Variants in CUX2 observed in about 807,000 individuals in gnomAD.
CUX2 encodes cut like homeobox 2, also known as homeobox protein cut-like 2.
CUX2 carries 40 observed loss-of-function variants against 144.8 expected under a neutral mutation model. The observed-to-expected ratio is 0.28, with a 90% confidence interval of 0.21 to 0.36. The LOEUF (loss-of-function observed/expected upper bound fraction) is 0.36. Among genes scored for constraint, CUX2 ranks in the 10% least tolerant of loss-of-function variants. The probability of loss-of-function intolerance (pLI) is 1.00; values close to 1 mark genes in which losing one functional copy is unlikely to be tolerated. For synonymous variants in CUX2, 827 were observed against 875.6 expected, an observed-to-expected ratio of 0.94 and a Z score of 0.98; for missense variants, 1,615 against 1,994.0, an observed-to-expected ratio of 0.81 and a Z score of 3.62.
At chr12:111,237,176 A>G (rs1882797971) in intron 3 of CUX2, among the ~76,000 whole-genome samples, 1 of 152,180 alleles carries the variant, frequency 6.6e-6, no homozygotes, top group African/African-American at 2.4e-5. Context: ...TAAAAATAAA[A>G]GAGGCAAAAG....
At chr12:111,116,356 GT>G (rs995724433) in intron 1 of CUX2, among the ~76,000 whole-genome samples, 7 of 152,186 alleles carry the variant, frequency 4.6e-5, no homozygotes, top group Admixed American at 2.6e-4. Flanking sequence ...TGAGGACAAA[GT>G]GATGCAATTA....
At chr12:111,245,409 T>A (rs969802333) in intron 3 of CUX2, among the ~76,000 whole-genome samples, 1 of 151,982 alleles carries the variant, frequency 6.6e-6, no homozygotes, top group Non-Finnish European at 1.5e-5. Flanking sequence ...TTTTTCTTAA[T>A]TTTTTTCCAT....
At chr12:111,166,528 C>T (rs924584004) in intron 1 of CUX2, among the ~76,000 whole-genome samples, 2 of 152,236 alleles carry the variant, frequency 1.3e-5, no homozygotes, top group Non-Finnish European at 2.9e-5. Context: ...ATTTAACCCA[C>T]CCAACAACTC....
At position 111,131,368 on chromosome 12, in the gene CUX2, C is replaced by T. The variant is rs1031651671; in HGVS notation, c.64-82832C>T. ...CAACACATGGGAATTCTGGGAGATA[C>T]ATTCAAGTGGAGATTTGGGTTGGGG... On this transcript the variant is annotated intron_variant, in intron 1 of 21. Transcript: ENST00000261726. 6.6e-5 allele frequency among the ~76,000 whole-genome samples: 10 copies of T among 152,160 alleles called. 1 individual carries two copies. The highest frequency in any genetic ancestry group is 1.0e-4 in the Non-Finnish European group (7 of 68,048).
In CUX2 at chr12:111,338,387, C is replaced by T. The variant is rs757066198; in HGVS notation, c.3298C>T (p.Arg1100Trp). ...CTGGCACAAGCTGAGCCTGAAGGGG[C>T]GGGAGCCTTTTGTCCGCATGCAGCT... ...KPWHKLSLKG[R>W]EPFVRMQLWL... The change falls in exon 20 of 22, where the codon CGG (arginine) becomes TGG (tryptophan). Residue 1100 changes from arginine (R) to tryptophan (W), a missense_variant. Around this residue, in one of 12 missense-constraint regions of CUX2, gnomAD observed 131 missense variants for 223.1 expected, o/e 0.59. Transcript: ENST00000261726. The T allele has an allele frequency of 1.2e-6, 2 of 1,614,128 alleles. No individual in the cohort carries two copies. Among genetic ancestry groups the T allele is most frequent in the Non-Finnish European group, 1.7e-6 (2 of 1,180,010 alleles).
rs1869387047 is a variant in CUX2 at position 111,035,446 on chromosome 12, G to T, written c.63+1206G>T. Among the ~76,000 whole-genome samples the T allele has an allele frequency of 6.6e-6, 1 of 152,022 alleles. No homozygotes were observed. The highest frequency in any genetic ancestry group is 2.1e-4 in the South Asian group (1 of 4,818). ...TTCTTTCCCGGAGTGCCCCGGACGC[G>T]CCTGGCAAGGCCCCCCAGCCTTGGA... On this transcript the variant is annotated intron_variant, in intron 1 of 21. Coordinates refer to ENST00000261726, the MANE Select transcript of CUX2 (RefSeq NM_015267.4). This position sits in a 1 kb window ranked among gnomAD's most constrained non-coding sequence, Gnocchi z 6.0.
intron 1 of CUX2, among the ~76,000 whole-genome samples, chr12:111,040,307 A>G (rs1044247025): frequency 1.3e-5 from 2 of 151,736 alleles, no homozygotes; most frequent in Non-Finnish European, 2.9e-5. Context: ...ACGGAAAAAA[A>G]TATACTCCTA....
chr12:111,304,461 C>G lies in CUX2; in HGVS notation c.858+147C>G. On this transcript the variant is annotated intron_variant, in intron 10 of 21. Transcript: ENST00000261726. The surrounding 1 kb of genome is among the most constrained non-coding windows in gnomAD (Gnocchi z 4.7). ...TGGGAGTGTGAATGTGTGTGGGTCT[C>G]TGTGCATACGGTGAGCATAATCACT... 1.5e-6 allele frequency: 1 copy of G among 662,712 alleles called. No individual in the cohort carries two copies. The highest frequency in any genetic ancestry group is 1.7e-5 in the South Asian group (1 of 57,186). The allele number at this position is 662,712 out of a possible 1,614,324, so 41.1% of individuals were successfully genotyped here.
chr12:111,241,499 C>T (rs1592872007), intron 3 of CUX2, among the ~76,000 whole-genome samples: 1 of 152,352 alleles, frequency 6.6e-6, no homozygotes, highest in Non-Finnish European at 1.5e-5. Flanking sequence ...GCCCTGATGT[C>T]ATCTTGTTTC....
At chr12:111,128,095 G>T (rs542418954) in intron 1 of CUX2, among the ~76,000 whole-genome samples, 1 of 152,122 alleles carries the variant, frequency 6.6e-6, no homozygotes, top group Non-Finnish European at 1.5e-5. Flanking sequence ...CACAGGCTTC[G>T]TCCTCAAATT....
chr12:111,282,989 G>A (rs1348507486), intron 4 of CUX2, among the ~76,000 whole-genome samples: 2 of 152,062 alleles, frequency 1.3e-5, no homozygotes, highest in African/African-American at 2.4e-5. Context: ...GAGACAGGCG[G>A]ATCACTTGAG....
At chr12:111,235,362 T>A (rs1882689245) in intron 3 of CUX2, among the ~76,000 whole-genome samples, 1 of 152,044 alleles carries the variant, frequency 6.6e-6, no homozygotes, top group African/African-American at 2.4e-5. Context: ...TCCAGAAAGA[T>A]CTCTCTGGAG....
At chr12:111,084,590 A>G (rs1872089818) in intron 1 of CUX2, among the ~76,000 whole-genome samples, 1 of 152,072 alleles carries the variant, frequency 6.6e-6, no homozygotes, top group Non-Finnish European at 1.5e-5. Context: ...TAATTAGAAC[A>G]TTAAAGTATT....
At chr12:111,184,893 C>G (rs529780973) in intron 1 of CUX2, among the ~76,000 whole-genome samples, 1 of 152,058 alleles carries the variant, frequency 6.6e-6, no homozygotes, top group South Asian at 2.1e-4. Flanking sequence ...GAAACCCCGT[C>G]TCTACTAAAA....
Position 111,246,903 on chromosome 12 carries a change from G to A in CUX2, c.223-16858G>A, listed in dbSNP as rs1047804028. On this transcript the variant is annotated intron_variant, in intron 3 of 21. Coordinates refer to ENST00000261726, the MANE Select transcript of CUX2 (RefSeq NM_015267.4). This position sits in a 1 kb window ranked among gnomAD's most constrained non-coding sequence, Gnocchi z 4.0. ...CGCTGCTTCCCTGCCACCCTCTGCT[G>A]TGGTCTATGTCTTTCTGACTCTAGG... Among the ~76,000 whole-genome samples, 11 of 152,172 alleles carry A rather than the reference G, an allele frequency of 7.2e-5. No individual in the cohort carries two copies. Among genetic ancestry groups the A allele is most frequent in the Admixed American group, 5.2e-4 (8 of 15,282 alleles).
intron 1 of CUX2, among the ~76,000 whole-genome samples, chr12:111,079,195 G>A (rs1240264795): frequency 6.6e-6 from 1 of 152,190 alleles, no homozygotes; most frequent in African/African-American, 2.4e-5. Context: ...ATAATTTTTG[G>A]TCTAAGACTT....
Position 111,066,072 on chromosome 12 carries a change from G to C in CUX2, c.63+31832G>C, listed in dbSNP as rs183917518. Among the ~76,000 whole-genome samples the C allele has an allele frequency of 2.8e-4, 42 of 152,312 alleles. 1 individual carries two copies. The highest frequency in any genetic ancestry group is 2.5e-3 in the Admixed American group (38 of 15,294). ...TCTTCTTCCAGTGTTAGTGGATAGA[G>C]GTGTTCTGATCCACATACTCGCTGA... is the stretch of plus-strand genomic sequence containing the variant. On this transcript the variant is annotated intron_variant, in intron 1 of 21. Coordinates refer to ENST00000261726, the MANE Select transcript of CUX2 (RefSeq NM_015267.4).
chr12:111,082,080 G>A (rs1871924236), intron 1 of CUX2, among the ~76,000 whole-genome samples: 1 of 152,146 alleles, frequency 6.6e-6, no homozygotes, highest in African/African-American at 2.4e-5. Flanking sequence ...GAGGATTTTA[G>A]GTTTTCAGCA....
At chr12:111,071,555 G>A (rs1165646513) in intron 1 of CUX2, among the ~76,000 whole-genome samples, 1 of 152,178 alleles carries the variant, frequency 6.6e-6, no homozygotes, top group Non-Finnish European at 1.5e-5. Flanking sequence ...CTCCCAGTCT[G>A]TGGCTTGTTT....
Sources: allele counts gnomAD v4.1 joint callset (sites outside exome capture counted in the v4.1 genomes callset), GRCh38; gene constraint gnomAD v4.1.1; regional missense constraint gnomAD v4.1.1; non-coding constraint Gnocchi (gnomAD v3.1); transcripts MANE v1.5; gene names NCBI Gene and HGNC (gene_info 2026-07-23, HGNC 2026-07-21).